MAGI2: variants seen among roughly 807,000 people sequenced by gnomAD.
MAGI2 encodes the protein membrane-associated guanylate kinase, WW and PDZ domain-containing protein 2.
A neutral mutation model predicts 133.3 loss-of-function variants in MAGI2; 35 were observed. The observed-to-expected ratio is 0.26, with a 90% CI of 0.20 to 0.35. MAGI2 has a LOEUF of 0.35. MAGI2 is among the 10% of genes least tolerant of loss of function. The pLI is 1.00. For synonymous variants in MAGI2, 729 were observed against 710.6 expected, an observed-to-expected ratio of 1.03 and a Z score of -0.41; for missense variants, 1,636 against 1,863.4, an observed-to-expected ratio of 0.88 and a Z score of 2.25.
At chr7:78,743,818 A>G (rs1480115228) in intron 2 of MAGI2, among the ~76,000 whole-genome samples, 1 of 152,168 alleles carries the variant, frequency 6.6e-6, no homozygotes, top group African/African-American at 2.4e-5. Context: ...TCCATACTGA[A>G]CAGTTCTCTA....
chr7:78,702,934 T>TG (rs34277150), intron 2 of MAGI2, among the ~76,000 whole-genome samples: 105,740 of 151,764 alleles, frequency 0.7, 37,122 homozygotes, highest in East Asian at 0.83. Flanking sequence ...AAGTGACTGT[T>TG]GAGTCATGGG....
chr7:79,055,901 A>G (rs1813107549), intron 1 of MAGI2, among the ~76,000 whole-genome samples: 1 of 152,192 alleles, frequency 6.6e-6, no homozygotes, highest in Non-Finnish European at 1.5e-5. Context: ...TGACACAGTA[A>G]TGATCCCTCC....
chr7:78,644,306 A>G (rs1288583897), intron 2 of MAGI2, among the ~76,000 whole-genome samples: 3 of 152,216 alleles, frequency 2.0e-5, no homozygotes, highest in Non-Finnish European at 2.9e-5. Flanking sequence ...CCTGAACCAC[A>G]CTATCTACCA....
At position 79,150,993 on chromosome 7, in the gene MAGI2, G is replaced by GTTTGT. The variant is rs549962926; in HGVS notation, c.302-143792_302-143788dup. Among the ~76,000 whole-genome samples the GTTTGT allele has an allele frequency of 4.3e-3, 649 of 151,926 alleles. 4 individuals are homozygous for GTTTGT. Among genetic ancestry groups the GTTTGT allele is most frequent in the African/African-American group, 0.014 (591 of 41,454 alleles). ...AACTGGGCTCACAGCGTTTTTGTTT[G>GTTTGT]TTTGTTTTGTTTTGTTTTTGTTTTT... On this transcript the variant is annotated intron_variant, in intron 1 of 21. Transcript: ENST00000354212.
chr7:78,745,399 C>A (rs540729294), intron 2 of MAGI2, among the ~76,000 whole-genome samples: 5 of 152,210 alleles, frequency 3.3e-5, no homozygotes, highest in East Asian at 3.9e-4. Context: ...CAATATGAGG[C>A]AAGCTTTCTG....
At chr7:79,429,066 C>A (rs953847113) in intron 1 of MAGI2, among the ~76,000 whole-genome samples, 5 of 151,748 alleles carry the variant, frequency 3.3e-5, no homozygotes, top group Non-Finnish European at 7.4e-5. Flanking sequence ...TATATATATC[C>A]CTGAAACCAA....
chr7:78,440,575 A>G (rs1396990092), intron 6 of MAGI2, among the ~76,000 whole-genome samples: 1 of 152,206 alleles, frequency 6.6e-6, no homozygotes, highest in Non-Finnish European at 1.5e-5. Flanking sequence ...ACAGGTATCA[A>G]CAAACAAATA....
intron 1 of MAGI2, among the ~76,000 whole-genome samples, chr7:79,439,061 C>T (rs1848329665): frequency 6.6e-6 from 1 of 151,976 alleles, no homozygotes; most frequent in African/African-American, 2.4e-5. Context: ...CTCAGTTACC[C>T]CTTTCTTTGG....
intron 16 of MAGI2, among the ~76,000 whole-genome samples, chr7:78,152,392 G>A (rs3735448): frequency 0.083 from 12,637 of 152,072 alleles, 744 homozygotes; most frequent in East Asian, 0.3. Flanking sequence ...CAAGAGATGT[G>A]TTTAAGCTTT....
rs963792417 is a variant in MAGI2, at chr7:78,846,819, T to G, written c.418+160271A>C. On this transcript the variant is annotated intron_variant, in intron 2 of 21. Coordinates refer to ENST00000354212, the MANE Select transcript of MAGI2 (RefSeq NM_012301.4). ...CAGTAATAGTGGCTCAGGAAAGTACTGAAACTCTATGGGATGAAGTAAAAC... is the reference window on the plus strand; with the variant it reads ...CAGTAATAGTGGCTCAGGAAAGTACGGAAACTCTATGGGATGAAGTAAAAC... 6.6e-4 allele frequency among the ~76,000 whole-genome samples: 101 copies of G among 151,970 alleles called. 1 individual carries two copies. Among genetic ancestry groups the G allele is most frequent in the African/African-American group, 2.4e-3 (101 of 41,412 alleles).
intron 10 of MAGI2, among the ~76,000 whole-genome samples, chr7:78,240,289 C>T (rs1791000990): frequency 6.6e-6 from 1 of 152,006 alleles, no homozygotes; most frequent in Non-Finnish European, 1.5e-5. Flanking sequence ...CAGCTTCATC[C>T]ATGTCCCTGC....
At chr7:79,038,851 C>T (rs1402456116) in intron 1 of MAGI2, among the ~76,000 whole-genome samples, 1 of 151,980 alleles carries the variant, frequency 6.6e-6, no homozygotes, top group Non-Finnish European at 1.5e-5. Context: ...TGTTTTTAAC[C>T]ATGTCATGGT....
chr7:78,515,957 C>T (rs1199270927), intron 4 of MAGI2, among the ~76,000 whole-genome samples: 1 of 152,048 alleles, frequency 6.6e-6, no homozygotes, highest in East Asian at 1.9e-4. Context: ...GGATGCCAGA[C>T]ATGCACATTA....
intron 12 of MAGI2, among the ~76,000 whole-genome samples, chr7:78,192,352 G>A (rs982862923): frequency 4.0e-5 from 6 of 151,754 alleles, no homozygotes; most frequent in Middle Eastern, 3.4e-3. Context: ...CTTTTGTTTC[G>A]GTATGTACAT....
At chr7:79,338,025 T>C (rs1366609270) in intron 1 of MAGI2, among the ~76,000 whole-genome samples, 1 of 152,146 alleles carries the variant, frequency 6.6e-6, no homozygotes, top group African/African-American at 2.4e-5. Flanking sequence ...TGATAGCGTC[T>C]ACCTGCAGGT....
At chr7:78,656,578 A>C (rs1812301909) in intron 2 of MAGI2, among the ~76,000 whole-genome samples, 1 of 152,080 alleles carries the variant, frequency 6.6e-6, no homozygotes, top group Admixed American at 6.5e-5. Context: ...ACAAAGTTGC[A>C]GTTATGTAAA....
intron 1 of MAGI2, among the ~76,000 whole-genome samples, chr7:79,140,205 G>A (rs1032255311): frequency 1.3e-5 from 2 of 152,182 alleles, no homozygotes; most frequent in African/African-American, 4.8e-5. Flanking sequence ...ATTTGTCACT[G>A]TGGAGAAATG....
chr7:79,189,408 C>T (rs1180377461), intron 1 of MAGI2, among the ~76,000 whole-genome samples: 1 of 149,508 alleles, frequency 6.7e-6, no homozygotes, highest in Non-Finnish European at 1.5e-5. Context: ...CATCTTTTGA[C>T]TCACTTTACC....
At chr7:78,801,216 T>C (rs1313140084) in intron 2 of MAGI2, among the ~76,000 whole-genome samples, 1 of 152,148 alleles carries the variant, frequency 6.6e-6, no homozygotes, top group Non-Finnish European at 1.5e-5. Context: ...GGAAACTTCA[T>C]AGGTTTATTT....
Sources: gnomAD v4.1 joint callset for allele counts (sites outside exome capture counted in the v4.1 genomes callset) on GRCh38, gnomAD v4.1.1 for gene constraint, MANE v1.5 for transcripts, NCBI Gene and HGNC (gene_info 2026-07-23, HGNC 2026-07-21) for gene names.